PPP4R3A: variants seen among roughly 807,000 people sequenced by gnomAD.
PPP4R3A encodes serine/threonine-protein phosphatase 4 regulatory subunit 3A.
In PPP4R3A, 15 loss-of-function variants were observed where a neutral mutation model predicts 91.7. That is an observed-to-expected ratio of 0.16 (90% CI 0.11 to 0.25). The LOEUF is 0.25. Among genes scored for constraint, PPP4R3A ranks in the 10% least tolerant of loss-of-function variants. The probability of loss-of-function intolerance (pLI) is 1.00; values close to 1 mark genes in which losing one functional copy is unlikely to be tolerated. For missense variants in PPP4R3A, 623 were observed against 998.4 expected (o/e 0.62, Z 5.07); for synonymous variants, 377 against 348.7 (o/e 1.08, Z -0.91).
chr14:91,476,880 TA>T (rs777314276), intron 5 of PPP4R3A, 28 bp downstream of exon 5: 2 of 1,548,872 alleles, frequency 1.3e-6, no homozygotes, highest in East Asian at 4.7e-5. Flanking sequence ...GTTTTATTTT[TA>T]TGCCTTTCAT....
intron 10 of PPP4R3A, 132 bp from the exon 11 acceptor site, chr14:91,465,551 T>A: frequency 1.4e-6 from 1 of 710,438 alleles, no homozygotes; most frequent in Non-Finnish European, 2.1e-6. Flanking sequence ...ATGTTTGCAC[T>A]TCCGGAACTG....
chr14:91,489,929 A>G (rs1162381115), intron 2 of PPP4R3A, among the ~76,000 whole-genome samples: 1 of 152,220 alleles, frequency 6.6e-6, no homozygotes, highest in Non-Finnish European at 1.5e-5. Context: ...TTTACGCATC[A>G]CCCAATGGGA....
chr14:91,472,564 C>T (rs1888918440), intron 9 of PPP4R3A, among the ~76,000 whole-genome samples: 2 of 150,940 alleles, frequency 1.3e-5, no homozygotes, highest in African/African-American at 2.4e-5. Flanking sequence ...CCTGGGTTCA[C>T]GCCATTCTCC....
chr14:91,473,172 C>A (rs763657668), intron 8 of PPP4R3A, 37 bp from the exon 9 acceptor site: 1 of 1,613,226 alleles, frequency 6.2e-7, no homozygotes, highest in Non-Finnish European at 8.5e-7. Context: ...ACTTTAACCA[C>A]ACTGGTTCCT....
chr14:91,475,863 T>G lies in PPP4R3A; in HGVS notation c.1214A>C (p.Gln405Pro). ...CTTCTTACTTACATCATCATTCTGT[T>G]GTGCCTCCTGCATGACAAACTCTCG... is the stretch of plus-strand genomic sequence containing the variant. Reference protein sequence around the residue: ...MVREFVMQEAQQNDDVSKKLT... With the variant: ...MVREFVMQEAPQNDDVSKKLT... The change falls in exon 7 of 15, where the codon CAA becomes CCA. Residue 405 changes from glutamine to proline, a missense_variant. Physicochemically the swap from Gln to Pro is moderately conservative, Grantham distance 76 (BLOSUM62 -1). Coordinates refer to ENST00000554943, the MANE Select transcript of PPP4R3A (RefSeq NM_001366432.2). 2 of 1,613,840 alleles carry G rather than the reference T, an allele frequency of 1.2e-6. No individual in the cohort carries two copies. Among genetic ancestry groups the G allele is most frequent in the Non-Finnish European group, 1.7e-6 (2 of 1,179,920 alleles).
intron 13 of PPP4R3A, among the ~76,000 whole-genome samples, 174 bp downstream of exon 13, chr14:91,461,875 A>G (rs1010752045): frequency 6.6e-6 from 1 of 152,182 alleles, no homozygotes; most frequent in African/African-American, 2.4e-5. Flanking sequence ...AATTAAGAAA[A>G]CTTAAGTTTA....
intron 11 of PPP4R3A, among the ~76,000 whole-genome samples, chr14:91,464,275 C>G (rs1053236980): frequency 2.0e-5 from 3 of 152,092 alleles, no homozygotes; most frequent in African/African-American, 7.2e-5. Flanking sequence ...GAGTCGAGAT[C>G]ATGCCACCGC....
chr14:91,479,258 T>C (rs912673190), intron 4 of PPP4R3A, among the ~76,000 whole-genome samples: 2 of 151,766 alleles, frequency 1.3e-5, no homozygotes, highest in African/African-American at 4.8e-5. Flanking sequence ...CCTATTATTC[T>C]TACAATACCA....
At chr14:91,463,417 A>T (rs1888283094) in intron 11 of PPP4R3A, among the ~76,000 whole-genome samples, 2 of 151,646 alleles carry the variant, frequency 1.3e-5, no homozygotes, top group Non-Finnish European at 2.9e-5. Context: ...GGTGATTCTG[A>T]TTCTGATGTG....
chr14:91,495,766 A>T (rs568716478), intron 1 of PPP4R3A, among the ~76,000 whole-genome samples: 519 of 152,280 alleles, frequency 3.4e-3, no homozygotes, highest in Non-Finnish European at 5.9e-3. Context: ...AAAAATTTTA[A>T]AAATTAGCCA....
intron 2 of PPP4R3A, among the ~76,000 whole-genome samples, chr14:91,486,905 C>CAAAAA (rs769201002): frequency 2.9e-4 from 25 of 86,874 alleles, no homozygotes; most frequent in African/African-American, 3.3e-4. Context: ...ACTCTGTCTC[C>CAAAAA]AAAAAAAAAA....
chr14:91,458,999 G>C lies in PPP4R3A; in HGVS notation c.2392-130C>G, dbSNP rs190505580. On this transcript the variant is annotated intron_variant, in intron 14 of 14. Transcript: ENST00000554943. ...GTGGTTATTTCTGGGTGGTGGGACT[G>C]TGTTAAACTTCAATTCATTATGTTT... 4.1e-4 allele frequency: 408 copies of C among 1,003,170 alleles called. 1 individual carries two copies. In the African/African-American group the frequency reaches 6.2e-3, roughly 15 times the overall value. The allele number at this position is 1,003,170 out of a possible 1,614,324, so 62.1% of individuals were successfully genotyped here.
At chr14:91,504,170 G>A (rs200585078) in intron 1 of PPP4R3A, among the ~76,000 whole-genome samples, 20 of 148,714 alleles carry the variant, frequency 1.3e-4, no homozygotes, top group Middle Eastern at 3.4e-3. Context: ...TTAAAAAAAA[G>A]AAAAAAAAAA....
chr14:91,464,177 C>T (rs1050754914), intron 11 of PPP4R3A, among the ~76,000 whole-genome samples: 2 of 151,986 alleles, frequency 1.3e-5, no homozygotes, highest in African/African-American at 4.8e-5. Flanking sequence ...AAAAATTAGT[C>T]GGGTATGGTG....
intron 11 of PPP4R3A, among the ~76,000 whole-genome samples, chr14:91,463,767 T>C (rs559178180): frequency 6.6e-6 from 1 of 152,190 alleles, no homozygotes; most frequent in Admixed American, 6.5e-5. Context: ...TTAATTAATT[T>C]TTATTTTAGG....
Position 91,509,829 on chromosome 14 carries a change from T to C in PPP4R3A, c.-182A>G, listed in dbSNP as rs1053472823. On this transcript the variant is annotated 5_prime_UTR_variant, in exon 1 of 15. Transcript: ENST00000554943. The stretch of plus-strand genomic sequence containing the variant: ...ATGGCCCGCTCCAGGGACCGAGCTC[T>C]GGGCCGCCGCCTTTCCTCGCCTCCG... The C allele has an allele frequency of 1.6e-5, 19 of 1,179,258 alleles. No homozygotes were observed. In the African/African-American group the frequency reaches 2.4e-4, roughly 15 times the overall value. 73.0% of individuals were successfully genotyped at this position (1,179,258 alleles called of 1,614,324 possible).
chr14:91,507,504 T>TACTATATATATACTATA (rs1449152989), intron 1 of PPP4R3A, among the ~76,000 whole-genome samples: 1 of 122,906 alleles, frequency 8.1e-6, no homozygotes, highest in African/African-American at 3.2e-5. Context: ...ATAGAATATA[T>TACTATATATATACTATA]GCTATAATTA....
chr14:91,498,326 C>G (rs1890712471), intron 1 of PPP4R3A, among the ~76,000 whole-genome samples: 1 of 150,480 alleles, frequency 6.6e-6, no homozygotes, highest in African/African-American at 2.5e-5. Context: ...CAGTGAGACT[C>G]TGTCTCAAAG....
At chr14:91,477,466 T>C (rs1567152334) in intron 4 of PPP4R3A, among the ~76,000 whole-genome samples, 1 of 152,244 alleles carries the variant, frequency 6.6e-6, no homozygotes, top group Non-Finnish European at 1.5e-5. Context: ...TTTAGTGTTT[T>C]AAAGATACAG....
Sources: gnomAD v4.1 joint callset for allele counts (sites outside exome capture counted in the v4.1 genomes callset) on GRCh38, gnomAD v4.1.1 for gene constraint, MANE v1.5 for transcripts, NCBI Gene and HGNC (gene_info 2026-07-23, HGNC 2026-07-21) for gene names.